The following FGF12 variants were observed in gnomAD, a reference collection of about 807,000 sequenced individuals.
The protein encoded by FGF12 is fibroblast growth factor 12.
FGF12 carries 14 observed loss-of-function variants against 23.6 expected under a neutral mutation model. That is an observed-to-expected ratio of 0.59 (90% CI 0.39 to 0.93). The LOEUF (loss-of-function observed/expected upper bound fraction) is 0.93. FGF12 is among the 40% of genes least tolerant of loss of function. The pLI is 0.00. For missense variants in FGF12, 175 were observed against 217.8 expected (o/e 0.80, Z 1.24); for synonymous variants, 62 against 77.3 (o/e 0.80, Z 1.04).
intron 4 of FGF12, among the ~76,000 whole-genome samples, chr3:192,285,215 T>G (rs1714383976): frequency 6.6e-6 from 1 of 152,000 alleles, no homozygotes; most frequent in African/African-American, 2.4e-5. Context: ...GCAATACCTG[T>G]GACAGTGGAA....
chr3:192,626,639 GC>G (rs1715180237), intron 2 of FGF12, among the ~76,000 whole-genome samples: 1 of 152,092 alleles, frequency 6.6e-6, no homozygotes, highest in African/African-American at 2.4e-5. Context: ...TAGAGAATGG[GC>G]CTTGCTCTGT....
At chr3:192,711,534 A>G (rs930678400) in intron 2 of FGF12, among the ~76,000 whole-genome samples, 3 of 152,164 alleles carry the variant, frequency 2.0e-5, no homozygotes, top group Admixed American at 1.3e-4. Context: ...AAGATAGAGA[A>G]ATCAGATTGT....
At chr3:192,396,892 G>A (rs1217460549) in intron 2 of FGF12, among the ~76,000 whole-genome samples, 8 of 152,206 alleles carry the variant, frequency 5.3e-5, no homozygotes, top group Admixed American at 2.0e-4. Flanking sequence ...CAGGCCAGCA[G>A]TTTCAGTGAA....
intron 2 of FGF12, among the ~76,000 whole-genome samples, chr3:192,576,219 G>C (rs771808988): frequency 2.6e-5 from 4 of 152,088 alleles, no homozygotes; most frequent in Non-Finnish European, 5.9e-5. Context: ...TACAGCACAG[G>C]GAAAGAACCA....
rs1439831764 is a variant in FGF12 at position 192,392,606 on chromosome 3, G to C, written c.14-32068C>G. Reference sequence around the variant, plus strand: ...AGTGAAACTCCGAGAGAGAGAGAGAGAGAGAGAGAGAGAGAGAGAGAGAGA... The same window carrying C: ...AGTGAAACTCCGAGAGAGAGAGAGACAGAGAGAGAGAGAGAGAGAGAGAGA... On this transcript the variant is annotated intron_variant, in intron 2 of 5. Coordinates refer to ENST00000445105, the MANE Select transcript of FGF12 (RefSeq NM_004113.6). Among the ~76,000 whole-genome samples the C allele has an allele frequency of 2.7e-5, 3 of 110,278 alleles. 1 individual carries two copies. 72.3% of individuals were successfully genotyped at this position (110,278 alleles called of 152,430 possible). A position where few individuals can be genotyped will look rare whatever the true frequency, so the allele number is the denominator to read the frequency against.
At chr3:192,370,731 TATA>T (rs1337981344) in intron 2 of FGF12, among the ~76,000 whole-genome samples, 2 of 152,174 alleles carry the variant, frequency 1.3e-5, no homozygotes, top group Non-Finnish European at 2.9e-5. Flanking sequence ...AGCTATTCCA[TATA>T]AGAAGGACCT....
At chr3:192,562,139 T>C (rs1449202538) in intron 2 of FGF12, among the ~76,000 whole-genome samples, 2 of 152,126 alleles carry the variant, frequency 1.3e-5, no homozygotes, top group Non-Finnish European at 2.9e-5. Flanking sequence ...AGGAAGAAGT[T>C]TCAAAATAGT....
chr3:192,424,634 C>G (rs536805516), intron 2 of FGF12, among the ~76,000 whole-genome samples: 20 of 152,220 alleles, frequency 1.3e-4, no homozygotes, highest in Admixed American at 5.9e-4. Context: ...CAACTATAGT[C>G]TAGGGAAAAT....
In FGF12 at chr3:192,674,093, T is replaced by A. The variant is rs925596777; in HGVS notation, c.13+53088A>T. On this transcript the variant is annotated intron_variant, in intron 2 of 5. Transcript: ENST00000445105. ...ACATCCAATGTTGCAACTCAAGGAA[T>A]TTACATTCATACTCAGGATTTTTTT... Among the ~76,000 whole-genome samples the A allele has an allele frequency of 1.3e-5, 2 of 151,064 alleles. 1 individual carries two copies. The highest frequency in any genetic ancestry group is 1.3e-4 in the Admixed American group (2 of 15,070).
At chr3:192,608,198 T>G (rs2108637267) in intron 2 of FGF12, among the ~76,000 whole-genome samples, 1 of 152,166 alleles carries the variant, frequency 6.6e-6, no homozygotes, top group Non-Finnish European at 1.5e-5. Flanking sequence ...GTACAAAAAA[T>G]ATAATTAGAT....
At chr3:192,629,786 C>T (rs1715314424) in intron 2 of FGF12, among the ~76,000 whole-genome samples, 1 of 152,198 alleles carries the variant, frequency 6.6e-6, no homozygotes, top group Non-Finnish European at 1.5e-5. Context: ...TCCATTCCTA[C>T]CTCAGAACCA....
chr3:192,489,262 C>G (rs1723728630), intron 2 of FGF12, among the ~76,000 whole-genome samples: 1 of 151,858 alleles, frequency 6.6e-6, no homozygotes, highest in African/African-American at 2.4e-5. Flanking sequence ...TAGTGAGTTT[C>G]CCATCATCAA....
intron 2 of FGF12, among the ~76,000 whole-genome samples, chr3:192,416,979 C>G: frequency 6.6e-6 from 1 of 151,970 alleles, no homozygotes; most frequent in Non-Finnish European, 1.5e-5. Context: ...AATATTTTTC[C>G]AATGTTTTGG....
At chr3:192,205,818 C>A (rs1037363083) in intron 4 of FGF12, among the ~76,000 whole-genome samples, 2 of 152,110 alleles carry the variant, frequency 1.3e-5, no homozygotes, top group Non-Finnish European at 2.9e-5. Flanking sequence ...GATGAGAATG[C>A]CAGCTATTCC....
intron 2 of FGF12, among the ~76,000 whole-genome samples, chr3:192,701,353 C>A (rs1416583012): frequency 6.6e-6 from 1 of 152,156 alleles, no homozygotes; most frequent in Non-Finnish European, 1.5e-5. Context: ...GTAGCCCGAC[C>A]ACTCTGGGCA....
At chr3:192,321,602 T>TA (rs1171368519) in intron 4 of FGF12, among the ~76,000 whole-genome samples, 1 of 151,318 alleles carries the variant, frequency 6.6e-6, no homozygotes, top group Non-Finnish European at 1.5e-5. Context: ...CACAACACAT[T>TA]AAAAAAACCA....
chr3:192,643,752 T>C (rs1715890377), intron 2 of FGF12, among the ~76,000 whole-genome samples: 1 of 152,182 alleles, frequency 6.6e-6, no homozygotes, highest in South Asian at 2.1e-4. Context: ...AAATAGTATA[T>C]ACATTTTTTA....
At chr3:192,229,234 C>A (rs547897915) in intron 4 of FGF12, among the ~76,000 whole-genome samples, 1 of 151,430 alleles carries the variant, frequency 6.6e-6, no homozygotes, top group Non-Finnish European at 1.5e-5. Context: ...AATTAAGATG[C>A]GAACCCAAGA....
intron 2 of FGF12, among the ~76,000 whole-genome samples, chr3:192,696,928 T>G (rs1718143821): frequency 6.6e-6 from 1 of 152,034 alleles, no homozygotes; most frequent in African/African-American, 2.4e-5. Context: ...TTTTTAAAAG[T>G]GATTTTATGA....
Sources: gnomAD v4.1 joint callset for allele counts (sites outside exome capture counted in the v4.1 genomes callset) on GRCh38, gnomAD v4.1.1 for gene constraint, MANE v1.5 for transcripts, NCBI Gene and HGNC (gene_info 2026-07-23, HGNC 2026-07-21) for gene names.